The following FBXL5 variants were observed in gnomAD, a reference collection of about 807,000 sequenced individuals.
FBXL5 encodes the protein F-box/LRR-repeat protein 5.
Under a neutral mutation model 78.3 loss-of-function variants are expected in FBXL5, and 26 were observed. The ratio of observed to expected loss-of-function variants is 0.33; its 90% CI spans 0.24 to 0.46. FBXL5 has a LOEUF of 0.46. FBXL5 is among the 20% of genes least tolerant of loss of function. The probability of loss-of-function intolerance (pLI) is 1.00; values close to 1 mark genes in which losing one functional copy is unlikely to be tolerated. For missense variants in FBXL5, 710 were observed against 829.2 expected (o/e 0.86, Z 1.77); for synonymous variants, 295 against 282.5 (o/e 1.04, Z -0.45).
chr4:15,661,134 A>G (rs567910393), upstream of FBXL5, among the ~76,000 whole-genome samples: 1 of 152,258 alleles, frequency 6.6e-6, no homozygotes, highest in Admixed American at 6.5e-5. Flanking sequence ...TGTGTAACCA[A>G]TTTAACTGTG....
At chr4:15,652,218 G>A (rs1415483386) in intron 1 of FBXL5, among the ~76,000 whole-genome samples, 1 of 152,210 alleles carries the variant, frequency 6.6e-6, no homozygotes, top group Non-Finnish European at 1.5e-5. Context: ...CATCATCCCA[G>A]TCTGAAAGGT....
chr4:15,676,401 A>G (rs1161259673), intron 1 of FBXL5, among the ~76,000 whole-genome samples: 16 of 152,200 alleles, frequency 1.1e-4, no homozygotes. Flanking sequence ...GGGAAATTCA[A>G]TCAGACAAAT....
chr4:15,646,324 C>A (rs1463377025), intron 1 of FBXL5, among the ~76,000 whole-genome samples: 1 of 151,666 alleles, frequency 6.6e-6, no homozygotes, highest in Non-Finnish European at 1.5e-5. Flanking sequence ...TTAAGCCACA[C>A]AAAAAACACA....
chr4:15,648,487 C>T (rs1715601618), intron 1 of FBXL5, among the ~76,000 whole-genome samples: 1 of 152,106 alleles, frequency 6.6e-6, no homozygotes, highest in Non-Finnish European at 1.5e-5. Flanking sequence ...AACCTGAGTG[C>T]TTGTCCACAA....
At chr4:15,673,378 C>T (rs1446319386) in intron 1 of FBXL5, among the ~76,000 whole-genome samples, 1 of 152,026 alleles carries the variant, frequency 6.6e-6, no homozygotes, top group African/African-American at 2.4e-5. Flanking sequence ...AAGGTCGAGG[C>T]TGCAGTGAGC....
chr4:15,615,748 G>A (rs746776477), intron 9 of FBXL5, among the ~76,000 whole-genome samples: 103 of 151,770 alleles, frequency 6.8e-4, no homozygotes, highest in Non-Finnish European at 1.2e-3. Context: ...ATCTAGCTCA[G>A]GGATTGTAAA....
Position 15,638,620 on chromosome 4 carries a change from T to C in FBXL5, c.471A>G (p.Gln157=). ...LKDIKKKVIA[Q]HCSQKDTAEL... is the part of the protein sequence containing the mutation. ...CTGCAGTATCCTTCTGAGAGCAGTG[T>C]TGTGCAATCACTTTCTTTTTAATAT... Residue 157 remains glutamine (Q), a synonymous_variant, in exon 4 of 11, where the codon CAA becomes CAG. Transcript: ENST00000341285. 1.9e-6 allele frequency: 3 copies of C among 1,613,620 alleles called. No individual in the cohort carries two copies. The highest frequency in any genetic ancestry group is 1.1e-5 in the South Asian group (1 of 91,038).
At chr4:15,623,414 T>C (rs563846266) in intron 9 of FBXL5, among the ~76,000 whole-genome samples, 82 of 152,230 alleles carry the variant, frequency 5.4e-4, no homozygotes, top group African/African-American at 1.9e-3. Context: ...CATGTATTAC[T>C]TCATTCTTTG....
chr4:15,620,376 T>C (rs1364235078), intron 9 of FBXL5, among the ~76,000 whole-genome samples: 1 of 152,188 alleles, frequency 6.6e-6, no homozygotes, highest in East Asian at 1.9e-4. Context: ...ACACATTTAA[T>C]GCAATCCCTA....
At position 15,605,573 on chromosome 4, in the gene FBXL5, T is replaced by C; in HGVS notation, c.*150A>G. 3 of 626,730 alleles carry C rather than the reference T, an allele frequency of 4.8e-6. No homozygotes were observed. Among genetic ancestry groups the C allele is most frequent in the Non-Finnish European group, 8.5e-6 (3 of 352,020 alleles). 38.8% of individuals were successfully genotyped at this position (626,730 alleles called of 1,614,324 possible). A position where few individuals can be genotyped will look rare whatever the true frequency, so the allele number is the denominator to read the frequency against. On this transcript the variant is annotated 3_prime_UTR_variant, in exon 11 of 11. Transcript: ENST00000341285. The stretch of plus-strand genomic sequence containing the variant: ...GAGAAACAACATTACAATTCACTGG[T>C]AAATTAAGATTTCTGAAGTTGTAAG...
At chr4:15,637,980 G>T (rs1714460268) in intron 4 of FBXL5, among the ~76,000 whole-genome samples, 1 of 150,490 alleles carries the variant, frequency 6.6e-6, no homozygotes. Flanking sequence ...GAAAAACTCT[G>T]CCTCTAGTAC....
chr4:15,614,942 C>T (rs761777100), intron 9 of FBXL5, among the ~76,000 whole-genome samples: 18 of 152,122 alleles, frequency 1.2e-4, no homozygotes, highest in African/African-American at 2.4e-5. Flanking sequence ...ACCGGGGCTG[C>T]GTGCGGCGCT....
At chr4:15,665,362 C>T (rs1717496841) in intron 1 of FBXL5, among the ~76,000 whole-genome samples, 1 of 152,148 alleles carries the variant, frequency 6.6e-6, no homozygotes, top group Non-Finnish European at 1.5e-5. Flanking sequence ...AGCCATACCC[C>T]TATAATCAGA....
At chr4:15,641,560 A>T in intron 2 of FBXL5, 1 of 454,742 alleles carries the variant, frequency 2.2e-6, no homozygotes, top group South Asian at 1.6e-5. Flanking sequence ...TTTTACATAT[A>T]ATACATGAAA....
At chr4:15,637,925 C>T (rs915120031) in intron 4 of FBXL5, among the ~76,000 whole-genome samples, 2 of 147,050 alleles carry the variant, frequency 1.4e-5, no homozygotes, top group Admixed American at 1.4e-4. Flanking sequence ...AAAGGCAGCA[C>T]GTTTTATTTG....
chr4:15,628,534 A>G (rs189572187), intron 6 of FBXL5, among the ~76,000 whole-genome samples: 1 of 152,280 alleles, frequency 6.6e-6, no homozygotes, highest in Admixed American at 6.5e-5. Context: ...AACACACTAC[A>G]CTAAAAAGAA....
intron 9 of FBXL5, among the ~76,000 whole-genome samples, chr4:15,616,441 T>C (rs13131285): frequency 0.12 from 18,319 of 152,206 alleles, 1,246 homozygotes; most frequent in Non-Finnish European, 0.15. Context: ...GGCTAAGATC[T>C]TGCCCAGACT....
intron 1 of FBXL5, among the ~76,000 whole-genome samples, chr4:15,669,185 G>A (rs1377756519): frequency 6.6e-6 from 1 of 152,084 alleles, no homozygotes; most frequent in African/African-American, 2.4e-5. Flanking sequence ...AAACATCTGA[G>A]CATACTTACA....
chr4:15,681,357 C>A, intron 1 of FBXL5: 1 of 165,032 alleles, frequency 6.1e-6, no homozygotes, highest in South Asian at 1.6e-4. Context: ...GCTTACCCCG[C>A]GGCAGGAGCG....
Sources: gnomAD v4.1 joint callset for allele counts (sites outside exome capture counted in the v4.1 genomes callset) on GRCh38, gnomAD v4.1.1 for gene constraint, MANE v1.5 for transcripts, NCBI Gene and HGNC (gene_info 2026-07-23, HGNC 2026-07-21) for gene names.